Variants in CUBN observed in about 807,000 individuals in gnomAD.
The protein encoded by CUBN is 460 kDa receptor.
Under a neutral mutation model 405.3 loss-of-function variants are expected in CUBN, and 282 were observed. The ratio of observed to expected loss-of-function variants is 0.70; its 90% CI spans 0.63 to 0.77. The LOEUF is 0.77. Among genes scored for constraint, CUBN ranks in the 30% least tolerant of loss-of-function variants. The probability of loss-of-function intolerance (pLI) is 0.00; values close to 1 mark genes in which losing one functional copy is unlikely to be tolerated. For missense variants in CUBN, 4,514 were observed against 4,475.2 expected (o/e 1.01, Z -0.25); for synonymous variants, 1,684 against 1,617.0 (o/e 1.04, Z -0.99).
intron 56 of CUBN, among the ~76,000 whole-genome samples, chr10:16,878,708 G>A (rs761832189): frequency 1.3e-5 from 2 of 152,124 alleles, no homozygotes; most frequent in East Asian, 1.9e-4. Context: ...AATCACTCCA[G>A]TCTCATCCTT....
intron 59 of CUBN, among the ~76,000 whole-genome samples, 156 bp from the exon 60 acceptor site, chr10:16,851,599 C>T (rs1433977312): frequency 6.6e-6 from 1 of 151,794 alleles, no homozygotes; most frequent in Non-Finnish European, 1.5e-5. Flanking sequence ...TTCCTCCCTC[C>T]CTCTTTTCTT....
intron 29 of CUBN, among the ~76,000 whole-genome samples, chr10:16,989,916 A>G (rs1447771968): frequency 6.6e-6 from 1 of 152,198 alleles, no homozygotes; most frequent in Non-Finnish European, 1.5e-5. Context: ...TCAGACTGCA[A>G]GTGTGAGGTG....
intron 31 of CUBN, among the ~76,000 whole-genome samples, chr10:16,961,106 A>G (rs115740000): frequency 1.5e-3 from 232 of 152,222 alleles, no homozygotes; most frequent in African/African-American, 5.3e-3. Flanking sequence ...TCAGGGTCTT[A>G]CCCTGTCACC....
intron 31 of CUBN, among the ~76,000 whole-genome samples, chr10:16,964,498 A>T (rs1222124959): frequency 6.6e-6 from 1 of 152,168 alleles, no homozygotes; most frequent in Non-Finnish European, 1.5e-5. Context: ...TGTGTTTGTG[A>T]GGGAAATAAA....
At chr10:17,086,940 GA>G (rs1836123142) in intron 15 of CUBN, among the ~76,000 whole-genome samples, 1 of 152,086 alleles carries the variant, frequency 6.6e-6, no homozygotes, top group Non-Finnish European at 1.5e-5. Context: ...GGAATTTATT[GA>G]AAATTAATTT....
chr10:16,982,219 A>G (rs1478128224), intron 31 of CUBN, among the ~76,000 whole-genome samples: 1 of 152,184 alleles, frequency 6.6e-6, no homozygotes, highest in Non-Finnish European at 1.5e-5. Context: ...TTTTTTGACA[A>G]TGAAGTAACA....
rs1838889501 is a variant in CUBN, at chr10:16,829,159, G to A, written c.10529-119C>T. On this transcript the variant is annotated intron_variant, in intron 65 of 66. Coordinates refer to ENST00000377833, the MANE Select transcript of CUBN (RefSeq NM_001081.4). ...CTGAGACTCTGCAAGAATAATGGAG[G>A]CAGAAATCCCTTTTCCTTTTCCTCT... 11 of 763,276 alleles carry A rather than the reference G, an allele frequency of 1.4e-5. No homozygotes were observed. The South Asian group carries it at 1.6e-4, about 11-fold the overall frequency. The allele number at this position is 763,276 out of a possible 1,614,324, so 47.3% of individuals were successfully genotyped here. A position where few individuals can be genotyped will look rare whatever the true frequency, so the allele number is the denominator to read the frequency against.
intron 31 of CUBN, among the ~76,000 whole-genome samples, chr10:16,979,994 A>C (rs906588015): frequency 1.3e-5 from 2 of 152,230 alleles, no homozygotes; most frequent in African/African-American, 4.8e-5. Flanking sequence ...ACAAATTTAC[A>C]AGAAAAAAAT....
intron 7 of CUBN, among the ~76,000 whole-genome samples, chr10:17,114,934 G>A (rs931240221): frequency 1.8e-4 from 28 of 152,194 alleles, no homozygotes; most frequent in Admixed American, 1.7e-3. Context: ...AGAGAGTCAT[G>A]ACGGGATAAT....
chr10:17,092,951 ATTGT>A (rs908881165), intron 14 of CUBN, among the ~76,000 whole-genome samples: 10 of 152,220 alleles, frequency 6.6e-5, no homozygotes, highest in South Asian at 2.1e-4. Flanking sequence ...GTAAGGAATT[ATTGT>A]TTGTTTGTTT....
At chr10:16,871,446 T>G (rs906746785) in intron 58 of CUBN, among the ~76,000 whole-genome samples, 8 of 150,056 alleles carry the variant, frequency 5.3e-5, no homozygotes, top group Admixed American at 2.0e-4. Flanking sequence ...AAATATATAA[T>G]AAATGCTTCC....
At chr10:16,939,188 A>G (rs376942572) in intron 37 of CUBN, 41 bp from the exon 38 acceptor site, 16 of 1,490,264 alleles carry the variant, frequency 1.1e-5, no homozygotes, top group Non-Finnish European at 1.5e-5. Context: ...CCCACTTAGA[A>G]TTGCTCTTTA....
intron 13 of CUBN, among the ~76,000 whole-genome samples, chr10:17,101,977 T>C (rs557862221): frequency 2.9e-4 from 44 of 152,320 alleles, no homozygotes; most frequent in Middle Eastern, 3.4e-3. Context: ...ACTATCTTAA[T>C]ATCAGTGGCC....
chr10:16,864,948 CTTTTTTT>C (rs35045969), intron 59 of CUBN, among the ~76,000 whole-genome samples: 97 of 50,054 alleles, frequency 1.9e-3, no homozygotes, highest in African/African-American at 9.4e-3. Flanking sequence ...CCATGCCCAG[CTTTTTTT>C]TTTTTTTTTT....
At chr10:17,090,133 A>G (rs1836220932) in intron 14 of CUBN, among the ~76,000 whole-genome samples, 1 of 152,096 alleles carries the variant, frequency 6.6e-6, no homozygotes, top group African/African-American at 2.4e-5. Flanking sequence ...GACTGGAAAC[A>G]AGCCAAATGT....
Position 16,835,104 on chromosome 10 carries a change from A to G in CUBN, c.10272T>C (p.Thr3424=). ...NYDNDKDCTV[T]LTAPQNHTIS... The stretch of plus-strand genomic sequence containing the variant: ...TGGTGTGGTTCTGGGGGGCTGTGAG[A>G]GTAACGGTGCAATCCTTGTCATTGT... Residue 3424 remains threonine, a synonymous_variant, in exon 64 of 67, where the codon ACT becomes ACC. Coordinates refer to ENST00000377833, the MANE Select transcript of CUBN (RefSeq NM_001081.4). 6.2e-7 allele frequency: 1 copy of G among 1,614,182 alleles called. No homozygotes were observed. Among genetic ancestry groups the G allele is most frequent in the Non-Finnish European group, 8.5e-7 (1 of 1,180,008 alleles).
chr10:16,879,878 A>C (rs1323046756), intron 56 of CUBN, among the ~76,000 whole-genome samples: 2 of 152,208 alleles, frequency 1.3e-5, no homozygotes, highest in African/African-American at 4.8e-5. Context: ...TGACTCTTGC[A>C]AGATGGTGCA....
chr10:16,863,992 C>T (rs1564392043), intron 59 of CUBN, among the ~76,000 whole-genome samples: 2 of 152,144 alleles, frequency 1.3e-5, no homozygotes, highest in African/African-American at 2.4e-5. Context: ...ATTTACCTCC[C>T]TGTGTAGAGC....
rs1838903014 is a variant in CUBN, at chr10:16,829,358, A to C, written c.10529-318T>G. Among the ~76,000 whole-genome samples the C allele has an allele frequency of 2.0e-5, 3 of 151,198 alleles. No individual in the cohort carries two copies. The South Asian group carries it at 6.2e-4, about 31-fold the overall frequency. On this transcript the variant is annotated intron_variant, in intron 65 of 66. Transcript: ENST00000377833. ...AGCAGAATGGAAAAAAAAAAAAAAAACAAACTTGATAAAGTAACTGTGGGA... is the reference window on the plus strand; with the variant it reads ...AGCAGAATGGAAAAAAAAAAAAAAACCAAACTTGATAAAGTAACTGTGGGA...
Sources: gnomAD v4.1 joint callset for allele counts (sites outside exome capture counted in the v4.1 genomes callset) on GRCh38, gnomAD v4.1.1 for gene constraint, MANE v1.5 for transcripts, NCBI Gene and HGNC (gene_info 2026-07-23, HGNC 2026-07-21) for gene names.